Variants in RPTOR observed in about 807,000 individuals in gnomAD.
RPTOR encodes regulatory-associated protein of mTOR.
RPTOR carries 21 observed loss-of-function variants against 169.9 expected under a neutral mutation model. That is an observed-to-expected ratio of 0.12 (90% CI 0.09 to 0.18). The LOEUF (loss-of-function observed/expected upper bound fraction) is 0.18. RPTOR is among the 10% of genes least tolerant of loss of function. The pLI, the probability that RPTOR is intolerant of heterozygous loss-of-function variation, is 1.00. For synonymous variants in RPTOR, 732 were observed against 753.2 expected, an observed-to-expected ratio of 0.97 and a Z score of 0.46; for missense variants, 1,133 against 1,855.9, an observed-to-expected ratio of 0.61 and a Z score of 7.16.
chr17:80,740,359 C>T (rs2143249537), intron 5 of RPTOR, among the ~76,000 whole-genome samples: 1 of 152,288 alleles, frequency 6.6e-6, no homozygotes, highest in South Asian at 2.1e-4. Context: ...AAGCAGAACA[C>T]CGGTTTTGTA....
At chr17:80,548,477 G>A (rs539639141) in intron 1 of RPTOR, among the ~76,000 whole-genome samples, 1 of 144,894 alleles carries the variant, frequency 6.9e-6, no homozygotes, top group Non-Finnish European at 1.5e-5. Context: ...CGCCTCCCAG[G>A]ATCAAGCTAT....
chr17:80,915,002 T>C (rs1004066431), intron 21 of RPTOR, among the ~76,000 whole-genome samples: 7 of 152,196 alleles, frequency 4.6e-5, no homozygotes, highest in African/African-American at 1.7e-4. Flanking sequence ...TTGAAGCCCA[T>C]AAAAACCCTG....
At chr17:80,888,896 G>A (rs1426238760) in intron 17 of RPTOR, among the ~76,000 whole-genome samples, 1 of 152,226 alleles carries the variant, frequency 6.6e-6, no homozygotes, top group African/African-American at 2.4e-5. Flanking sequence ...GATGGGGCTG[G>A]GGGCACAGGG....
At chr17:80,842,862 C>T (rs1038919879) in intron 10 of RPTOR, among the ~76,000 whole-genome samples, 2 of 152,210 alleles carry the variant, frequency 1.3e-5, no homozygotes, top group Admixed American at 6.5e-5. Flanking sequence ...GGTGTTTGCA[C>T]TGAGGACCGT....
chr17:80,885,146 A>G lies in RPTOR; in HGVS notation c.1981A>G (p.Lys661Glu), dbSNP rs1414587834. 1 of 1,553,488 alleles carries G rather than the reference A, an allele frequency of 6.4e-7. No individual in the cohort carries two copies. ...LVSDGSPMVR[K>E]ELVVALSHLV... ...CAGCGACGGGAGCCCCATGGTCCGG[A>G]AGGTGCGTGAACCCCCAGCCCGGCA... The change falls in exon 17 of 34, where the codon AAG (lysine) becomes GAG (glutamate). Residue 661 changes from lysine (K) to glutamate (E), a missense_variant and splice_region_variant. Physicochemically the swap from Lys to Glu is moderately conservative, Grantham distance 56. Around this residue, in one of 9 missense-constraint regions of RPTOR, gnomAD observed 150 missense variants for 206.4 expected, o/e 0.73. Transcript: ENST00000306801.
At chr17:80,913,013 CGTGT>C (rs2068630970) in intron 21 of RPTOR, among the ~76,000 whole-genome samples, 1 of 151,818 alleles carries the variant, frequency 6.6e-6, no homozygotes, top group South Asian at 2.1e-4. Flanking sequence ...TGTCTGTGTG[CGTGT>C]GTGTGCACGC....
At chr17:80,685,450 A>ATT (rs528622064) in intron 3 of RPTOR, among the ~76,000 whole-genome samples, 50 of 137,226 alleles carry the variant, frequency 3.6e-4, no homozygotes, top group Middle Eastern at 3.7e-3. Context: ...TAATTAAAAC[A>ATT]TTTTTTTTTT....
intron 5 of RPTOR, among the ~76,000 whole-genome samples, chr17:80,745,850 C>T (rs1367296164): frequency 6.6e-6 from 1 of 152,124 alleles, no homozygotes; most frequent in Non-Finnish European, 1.5e-5. Flanking sequence ...AGAAGGAGCC[C>T]AGTGTTGACG....
Position 80,860,389 on chromosome 17 carries a change from A to T in RPTOR, c.1509+2489A>T, listed in dbSNP as rs1450911400. ...AGCCCTGCACACCCCACACAAAGCC[A>T]CTGCTGTGTCTCCCACCCACAGCCG... On this transcript the variant is annotated intron_variant, in intron 13 of 33. Coordinates refer to ENST00000306801, the MANE Select transcript of RPTOR (RefSeq NM_020761.3). The surrounding 1 kb of genome is among the most constrained non-coding windows in gnomAD (Gnocchi z 5.8). 6.6e-6 allele frequency among the ~76,000 whole-genome samples: 1 copy of T among 152,066 alleles called. No individual in the cohort carries two copies. Among genetic ancestry groups the T allele is most frequent in the Non-Finnish European group, 1.5e-5 (1 of 67,982 alleles).
At chr17:80,833,712 G>A (rs1023282166) in intron 9 of RPTOR, among the ~76,000 whole-genome samples, 6 of 152,186 alleles carry the variant, frequency 3.9e-5, no homozygotes, top group Non-Finnish European at 7.3e-5. Flanking sequence ...CGTGCAGGCC[G>A]GGTGCAATGG....
intron 1 of RPTOR, among the ~76,000 whole-genome samples, chr17:80,564,780 T>G (rs1291019388): frequency 6.6e-6 from 1 of 152,140 alleles, no homozygotes; most frequent in Non-Finnish European, 1.5e-5. Context: ...CCAGTGTGTG[T>G]TGTTCCCTTC....
At position 80,880,472 on chromosome 17, in the gene RPTOR, G is replaced by A; in HGVS notation, c.1567G>A (p.Ala523Thr). 2 of 1,613,684 alleles carry A rather than the reference G, an allele frequency of 1.2e-6. No individual in the cohort carries two copies. Among genetic ancestry groups the A allele is most frequent in the Middle Eastern group, 1.6e-4 (1 of 6,062 alleles). Residue 523 changes from alanine (A) to threonine (T), a missense_variant, in exon 14 of 34, where the codon GCG (alanine) becomes ACG (threonine). Coordinates refer to ENST00000306801, the MANE Select transcript of RPTOR (RefSeq NM_020761.3). The part of the protein sequence containing the change: ...NGHKYFLSVL[A>T]DPYMPAEHRT... The stretch of plus-strand genomic sequence containing the variant: ...CCACAAGTACTTCCTGTCGGTCCTG[G>A]CGGACCCCTACATGCCAGTAAGGAC...
intron 3 of RPTOR, among the ~76,000 whole-genome samples, chr17:80,668,724 T>C (rs894100971): frequency 3.3e-5 from 5 of 152,228 alleles, no homozygotes; most frequent in African/African-American, 1.2e-4. Context: ...CCTCATTGTT[T>C]ATTGTTAGAA....
At chr17:80,740,312 T>A (rs1389489459) in intron 5 of RPTOR, among the ~76,000 whole-genome samples, 3 of 152,184 alleles carry the variant, frequency 2.0e-5, no homozygotes, top group Non-Finnish European at 4.4e-5. Context: ...GCATACATGG[T>A]TTCACTGGAG....
At chr17:80,915,482 T>C (rs879141395) in intron 21 of RPTOR, among the ~76,000 whole-genome samples, 3 of 119,038 alleles carry the variant, frequency 2.5e-5, no homozygotes, top group Non-Finnish European at 3.5e-5. Context: ...CAGAGAGGAG[T>C]TAACCACTCC....
chr17:80,787,238 A>T (rs981498064), intron 6 of RPTOR, among the ~76,000 whole-genome samples: 1 of 152,170 alleles, frequency 6.6e-6, no homozygotes, highest in East Asian at 1.9e-4. Context: ...GGACTCTTTT[A>T]AAAAAATACT....
chr17:80,590,434 CT>C (rs1404606566), intron 1 of RPTOR, among the ~76,000 whole-genome samples: 1 of 145,706 alleles, frequency 6.9e-6, no homozygotes, highest in Non-Finnish European at 1.5e-5. Context: ...CACACAGTGT[CT>C]TTAATGGTTG....
At position 80,948,254 on chromosome 17, in the gene RPTOR, T is replaced by A. The variant is rs369557530; in HGVS notation, c.3265+903T>A. 7.7e-4 allele frequency among the ~76,000 whole-genome samples: 118 copies of A among 152,384 alleles called. 1 individual carries two copies. The highest frequency in any genetic ancestry group is 2.7e-3 in the African/African-American group (114 of 41,598). On this transcript the variant is annotated intron_variant, in intron 27 of 33. Coordinates refer to ENST00000306801, the MANE Select transcript of RPTOR (RefSeq NM_020761.3). Reference sequence around the variant, plus strand: ...TTGTGCTGACAAGTGCGCAGCCCTCTCAACGCGGTTGCGGGCTCCTGGTGA... The same window carrying A: ...TTGTGCTGACAAGTGCGCAGCCCTCACAACGCGGTTGCGGGCTCCTGGTGA...
At chr17:80,894,384 C>T (rs2068372561) in intron 20 of RPTOR, among the ~76,000 whole-genome samples, 1 of 152,178 alleles carries the variant, frequency 6.6e-6, no homozygotes, top group Non-Finnish European at 1.5e-5. Flanking sequence ...TGGGGGCTGT[C>T]ATCCCCGCCC....
Sources: gnomAD v4.1 joint callset for allele counts (sites outside exome capture counted in the v4.1 genomes callset) on GRCh38, gnomAD v4.1.1 for gene constraint, gnomAD v4.1.1 regional missense constraint, Gnocchi (gnomAD v3.1) non-coding constraint, MANE v1.5 for transcripts, NCBI Gene and HGNC (gene_info 2026-07-23, HGNC 2026-07-21) for gene names.